TEX15: variants seen among roughly 807,000 people sequenced by gnomAD.
TEX15 encodes the protein testis-expressed protein 15.
TEX15 carries 171 observed loss-of-function variants against 237.3 expected under a neutral mutation model. The observed-to-expected ratio is 0.72, with a 90% CI of 0.64 to 0.82. The LOEUF (loss-of-function observed/expected upper bound fraction) is 0.82. TEX15 is among the 40% of genes least tolerant of loss of function. The pLI is 0.00. For missense variants in TEX15, 3,750 were observed against 3,646.5 expected (o/e 1.03, Z -0.73); for synonymous variants, 1,338 against 1,269.8 (o/e 1.05, Z -1.14).
At chr8:30,875,989 T>C (rs1236384705) in intron 3 of TEX15, among the ~76,000 whole-genome samples, 1 of 152,072 alleles carries the variant, frequency 6.6e-6, no homozygotes, top group Admixed American at 6.6e-5. Flanking sequence ...GCTTTTCTTT[T>C]ATTTTTTGTA....
intron 5 of TEX15, 145 bp downstream of exon 5, chr8:30,867,117 AATG>A (rs1244334543): frequency 5.9e-6 from 2 of 336,508 alleles, no homozygotes. Context: ...AATTTTGAAT[AATG>A]ATGACAAAAA....
In TEX15 at chr8:30,837,298, G is replaced by A. The variant is rs1277623893; in HGVS notation, c.8986C>T (p.Leu2996Phe). The A allele has an allele frequency of 5.6e-6, 9 of 1,614,076 alleles. No individual in the cohort carries two copies. In the African/African-American group the frequency reaches 9.3e-5, roughly 17 times the overall value. Residue 2996 changes from leucine (L) to phenylalanine (F), a missense_variant, in exon 10 of 11, where the codon CTT (leucine) becomes TTT (phenylalanine). Transcript: ENST00000643185. ...LNVNQGAEYSLSEQQNDKNSK... is the reference protein window; with the variant it reads ...LNVNQGAEYSFSEQQNDKNSK... The stretch of plus-strand genomic sequence containing the variant: ...TTTTTGTCATTCTGTTGTTCAGAAA[G>A]AGAGTACTCTGCTCCTTGATTCACA...
At chr8:30,905,278 A>C (rs1266616901) in intron 1 of TEX15, among the ~76,000 whole-genome samples, 2 of 152,004 alleles carry the variant, frequency 1.3e-5, no homozygotes, top group Admixed American at 6.6e-5. Context: ...AAAAAAAAAA[A>C]AACTGTAGGC....
chr8:30,886,511 G>A (rs1808649214), intron 3 of TEX15, among the ~76,000 whole-genome samples: 1 of 152,184 alleles, frequency 6.6e-6, no homozygotes, highest in Non-Finnish European at 1.5e-5. Context: ...AACTGACATT[G>A]CAGGAGCAGG....
At chr8:30,853,406 G>A (rs993430863) in intron 7 of TEX15, among the ~76,000 whole-genome samples, 3 of 151,966 alleles carry the variant, frequency 2.0e-5, no homozygotes, top group African/African-American at 7.3e-5. Context: ...TGTATTGGTG[G>A]GTTCCAAATC....
chr8:30,845,238 T>C lies in TEX15; in HGVS notation c.4929A>G (p.Thr1643=), dbSNP rs1445500758. The C allele has an allele frequency of 6.2e-7, 1 of 1,613,458 alleles. No individual in the cohort carries two copies. Among genetic ancestry groups the C allele is most frequent in the African/African-American group, 1.3e-5 (1 of 74,918 alleles). The change falls in exon 8 of 11, where the codon ACA becomes ACG. Residue 1643 remains threonine, a synonymous_variant. Coordinates refer to ENST00000643185, the MANE Select transcript of TEX15 (RefSeq NM_001350162.2). ...ATATAAGTACGTCAGTTTTCGCCTT[T>C]GTGTGACCTATGCAAGTTGCATCAC... The part of the protein sequence containing the change: ...NDCDATCIGH[T]KAKTDVLISV...
At position 30,839,948 on chromosome 8, in the gene TEX15, A is replaced by C. The variant is rs1807412342; in HGVS notation, c.8180T>G (p.Val2727Gly). Residue 2727 changes from valine (V) to glycine (G), a missense_variant, in exon 9 of 11, where the codon GTC becomes GGC. Physicochemically the swap from Val to Gly is moderately radical, Grantham distance 109. Coordinates refer to ENST00000643185, the MANE Select transcript of TEX15 (RefSeq NM_001350162.2). Reference protein sequence around the residue: ...CKKLKVDMKDVTKINREKATF... With the variant: ...CKKLKVDMKDGTKINREKATF... ...TGCCTTTTCTCTGTTGATTTTTGTG[A>C]CATCTTTCATGTCTACCTGTGTTTA... 4 of 1,599,214 alleles carry C rather than the reference A, an allele frequency of 2.5e-6. No individual in the cohort carries two copies. The highest frequency in any genetic ancestry group is 1.7e-5 in the Admixed American group (1 of 58,302).
rs745771953 is a variant in TEX15 at position 30,833,335 on chromosome 8, A to C, written c.9482-12T>G. 1.3e-6 allele frequency: 2 copies of C among 1,583,732 alleles called. No homozygotes were observed. The highest frequency in any genetic ancestry group is 1.1e-5 in the South Asian group (1 of 87,104). ...TTGGTGCCATGGAGCTGGAAGAAAA[A>C]ACACCACAAAGATTTAAATAAATAA... On this transcript the variant is annotated splice_polypyrimidine_tract_variant and intron_variant, in intron 10 of 10. Transcript: ENST00000643185.
chr8:30,910,985 C>A (rs542217393), intron 1 of TEX15, among the ~76,000 whole-genome samples: 193 of 152,312 alleles, frequency 1.3e-3, no homozygotes, highest in Non-Finnish European at 2.4e-3. Flanking sequence ...TTAACTTCAA[C>A]TGTTAAAACG....
At position 30,869,137 on chromosome 8, in the gene TEX15, G is replaced by A. The variant is rs147673842; in HGVS notation, c.303-1635C>T. ...ATGACCTATAAAAAAGTTAGTTTTT[G>A]ATCTATTTCTGGCTCTAAAAATTGC... On this transcript the variant is annotated intron_variant, in intron 4 of 10. Transcript: ENST00000643185. Among the ~76,000 whole-genome samples, 47 of 151,800 alleles carry A rather than the reference G, an allele frequency of 3.1e-4. No individual in the cohort carries two copies. In the Middle Eastern group the frequency reaches 0.01, roughly 33 times the overall value.
At position 30,837,936 on chromosome 8, in the gene TEX15, G is replaced by C. The variant is rs545226690; in HGVS notation, c.8348C>G (p.Pro2783Arg). 7 of 1,614,130 alleles carry C rather than the reference G, an allele frequency of 4.3e-6. No homozygotes were observed. In the South Asian group the frequency reaches 4.4e-5, roughly 10 times the overall value. ...MQRSLPGSLLPLENPKDTCAS... is the reference protein window; with the variant it reads ...MQRSLPGSLLRLENPKDTCAS... Reference sequence around the variant, plus strand: ...GCAAGTGTCTTTTGGGTTCTCTAAGGGTAAAAGTGAGCCAGGTAGTGATCT... The same window carrying C: ...GCAAGTGTCTTTTGGGTTCTCTAAGCGTAAAAGTGAGCCAGGTAGTGATCT... The change falls in exon 10 of 11, where the codon CCC becomes CGC. Residue 2783 changes from proline to arginine, a missense_variant. Pro to Arg is a moderately radical substitution (Grantham distance 103). Coordinates refer to ENST00000643185, the MANE Select transcript of TEX15 (RefSeq NM_001350162.2).
chr8:30,837,605 C>G lies in TEX15; in HGVS notation c.8679G>C (p.Val2893=). Residue 2893 remains valine (V), a synonymous_variant, in exon 10 of 11, where the codon GTG becomes GTC. Transcript: ENST00000643185. ...CAAAACAGAAAATTGGCTTTGAGAG[C>G]ACCGACGCATCAGGCACAAGAGAAA... ...TDVSLVPDAS[V]LSKPIFCFVK... is the part of the protein sequence containing the mutation. 1 of 1,613,990 alleles carries G rather than the reference C, an allele frequency of 6.2e-7. No homozygotes were observed. The highest frequency in any genetic ancestry group is 8.5e-7 in the Non-Finnish European group (1 of 1,179,920).
chr8:30,895,635 G>T (rs1808887063), intron 2 of TEX15, among the ~76,000 whole-genome samples: 1 of 138,044 alleles, frequency 7.2e-6, no homozygotes, highest in African/African-American at 2.8e-5. Context: ...AAATGTATAG[G>T]TTATTCAAGG....
chr8:30,847,858 T>C lies in TEX15; in HGVS notation c.2309A>G (p.Asp770Gly). The C allele has an allele frequency of 1.2e-6, 2 of 1,613,930 alleles. No individual in the cohort carries two copies. Among genetic ancestry groups the C allele is most frequent in the Non-Finnish European group, 1.7e-6 (2 of 1,179,942 alleles). Residue 770 changes from aspartate (D) to glycine (G), a missense_variant, in exon 8 of 11, where the codon GAC (aspartate) becomes GGC (glycine). Transcript: ENST00000643185. Reference protein sequence around the residue: ...IITEAFPKPKDIPQAKEMFID... With the variant: ...IITEAFPKPKGIPQAKEMFID... ...GAACATTTCTTTGGCCTGGGGTATG[T>C]CTTTTGGTTTCGGGAAAGCTTCAGT...
At position 30,843,424 on chromosome 8, in the gene TEX15, T is replaced by C. The variant is rs1337233713; in HGVS notation, c.6743A>G (p.Lys2248Arg). 3 of 1,613,186 alleles carry C rather than the reference T, an allele frequency of 1.9e-6. No homozygotes were observed. The highest frequency in any genetic ancestry group is 2.5e-6 in the Non-Finnish European group (3 of 1,179,650). ...CTCGTTGTTCTTAATAAAATTAACC[T>C]TTGAGGAGATCATTTCTATGATAAT... The part of the protein sequence containing the change: ...LWIIIEMISS[K>R]VNFIKNNEAV... Residue 2248 changes from lysine to arginine, a missense_variant, in exon 8 of 11, where the codon AAG becomes AGG. By Grantham distance (26) the Lys-to-Arg change is conservative. Coordinates refer to ENST00000643185, the MANE Select transcript of TEX15 (RefSeq NM_001350162.2).
At position 30,908,759 on chromosome 8, in the gene TEX15, G is replaced by A. The variant is rs189447862; in HGVS notation, c.-86+4120C>T. ...TTACTGCTAACTTTGTTTTTGATAA[G>A]AGGGGTGTCTCACATGCTTTAAAGA... On this transcript the variant is annotated intron_variant, in intron 1 of 10. Coordinates refer to ENST00000643185, the MANE Select transcript of TEX15 (RefSeq NM_001350162.2). Among the ~76,000 whole-genome samples the A allele has an allele frequency of 1.1e-4, 16 of 152,272 alleles. No homozygotes were observed. In the East Asian group the frequency reaches 3.1e-3, roughly 29 times the overall value.
In TEX15 at chr8:30,847,458, CTCCTTT is replaced by C; in HGVS notation, c.2703_2708del (p.Lys902_Glu903del). 6.2e-7 allele frequency: 1 copy of C among 1,610,554 alleles called. No homozygotes were observed. The highest frequency in any genetic ancestry group is 8.5e-7 in the Non-Finnish European group (1 of 1,179,322). ...TTTCTATATTGTGGTAATTTTTGTC[CTCCTTT>C]TCATCTATATTGCTGAAATTTTCGT... is the stretch of plus-strand genomic sequence containing the variant. On this transcript the variant is annotated inframe_deletion, in exon 8 of 11. Transcript: ENST00000643185.
chr8:30,864,924 G>A (rs1313877603), intron 5 of TEX15, among the ~76,000 whole-genome samples: 2 of 151,922 alleles, frequency 1.3e-5, no homozygotes, highest in Non-Finnish European at 2.9e-5. Flanking sequence ...TAAATAACTT[G>A]TTTTAACTAC....
intron 9 of TEX15, 95 bp downstream of exon 9, chr8:30,839,811 T>C (rs749858116): frequency 1.7e-4 from 122 of 715,390 alleles, no homozygotes; most frequent in Non-Finnish European, 2.5e-4. Context: ...TATGATCCAA[T>C]GACATTATAT....
Sources: gnomAD v4.1 joint callset for allele counts (sites outside exome capture counted in the v4.1 genomes callset) on GRCh38, gnomAD v4.1.1 for gene constraint, MANE v1.5 for transcripts, NCBI Gene and HGNC (gene_info 2026-07-23, HGNC 2026-07-21) for gene names.